Variants in CIMAP3 observed in about 807,000 individuals in gnomAD.
CIMAP3 encodes ciliary microtubule associated protein 3.
chr1:111,344,773 G>T, the CIMAP3 span, among the ~76,000 whole-genome samples: 1 of 152,056 alleles, frequency 6.6e-6, no homozygotes, highest in African/African-American at 2.4e-5. Flanking sequence ...AATTATTAAT[G>T]GAAGTAAAAA....
chr1:111,336,714 C>T, the CIMAP3 span, among the ~76,000 whole-genome samples: 5 of 152,156 alleles, frequency 3.3e-5, no homozygotes, highest in South Asian at 2.1e-4. Context: ...ACCGAATCTT[C>T]GTCTGATTGG....
chr1:111,352,546 T>C, the CIMAP3 span: 4 of 152,628 alleles, frequency 2.6e-5, no homozygotes, highest in Non-Finnish European at 4.4e-5. Flanking sequence ...AGAAATCACA[T>C]AGGATATATT....
the CIMAP3 span, chr1:111,352,358 G>A: frequency 6.6e-6 from 1 of 152,638 alleles, no homozygotes; most frequent in African/African-American, 2.4e-5. Flanking sequence ...TTGAGAAGCT[G>A]CCAGTGGCTG....
the CIMAP3 span, among the ~76,000 whole-genome samples, chr1:111,326,996 CT>C: frequency 1.3e-5 from 2 of 152,102 alleles, no homozygotes; most frequent in East Asian, 3.9e-4. Context: ...ATATTAGTCC[CT>C]GTCTATGAAT....
the CIMAP3 span, chr1:111,346,687 G>C: frequency 6.2e-7 from 1 of 1,611,892 alleles, no homozygotes; most frequent in Non-Finnish European, 8.5e-7. Context: ...GAGGGCTGCC[G>C]AGAAGCCTAG....
chr1:111,346,404 GCAGCCCCTA>G, the CIMAP3 span: 1 of 493,602 alleles, frequency 2.0e-6, no homozygotes. Flanking sequence ...CGTCAACCCT[GCAGCCCCTA>G]CAGCCGCGAA....
the CIMAP3 span, among the ~76,000 whole-genome samples, chr1:111,334,202 C>T: frequency 2.4e-4 from 36 of 151,934 alleles, 1 homozygote; most frequent in Non-Finnish European, 4.3e-4. Flanking sequence ...AAAGGCTGGA[C>T]GAAATAACTA....
the CIMAP3 span, among the ~76,000 whole-genome samples, chr1:111,334,472 A>G: frequency 6.6e-6 from 1 of 152,178 alleles, no homozygotes; most frequent in Non-Finnish European, 1.5e-5. Context: ...TAATACTTCA[A>G]TGCCAAGACA....
At chr1:111,335,349 C>G in the CIMAP3 span, among the ~76,000 whole-genome samples, 1 of 152,016 alleles carries the variant, frequency 6.6e-6, no homozygotes, top group Non-Finnish European at 1.5e-5. Flanking sequence ...ACAGAGGGCA[C>G]AGGTCAGTGG....
At chr1:111,335,279 G>T in the CIMAP3 span, among the ~76,000 whole-genome samples, 1 of 152,018 alleles carries the variant, frequency 6.6e-6, no homozygotes, top group African/African-American at 2.4e-5. Context: ...AGACACAGAA[G>T]ACGGGTGATT....
At chr1:111,347,158 G>A in the CIMAP3 span, 1 of 1,286,606 alleles carries the variant, frequency 7.8e-7, no homozygotes. Context: ...GAGATCTCCA[G>A]AGTCCCAGCA....
At chr1:111,328,910 T>C in the CIMAP3 span, among the ~76,000 whole-genome samples, 1 of 152,248 alleles carries the variant, frequency 6.6e-6, no homozygotes, top group African/African-American at 2.4e-5. Context: ...CTGGTTATTA[T>C]GTTGCCTTGT....
At chr1:111,332,200 G>A in the CIMAP3 span, among the ~76,000 whole-genome samples, 21,016 of 152,162 alleles carry the variant, frequency 0.14, 1,529 homozygotes, top group African/African-American at 0.16. Context: ...GCCTGCCTGG[G>A]CAGTCTGTGG....
At chr1:111,351,486 G>C in the CIMAP3 span, 5 of 564,984 alleles carry the variant, frequency 8.8e-6, no homozygotes, top group African/African-American at 9.8e-5. Context: ...AGAACATAAA[G>C]ACTAGTGCAC....
At chr1:111,333,715 C>T in the CIMAP3 span, among the ~76,000 whole-genome samples, 1 of 152,180 alleles carries the variant, frequency 6.6e-6, no homozygotes, top group Non-Finnish European at 1.5e-5. Context: ...CTTCCCATGA[C>T]CACAGATGCA....
chr1:111,339,470 C>G, the CIMAP3 span, among the ~76,000 whole-genome samples: 3 of 150,482 alleles, frequency 2.0e-5, no homozygotes, highest in South Asian at 6.4e-4. Context: ...TGTCTCAGCC[C>G]AAAATCTCCT....
the CIMAP3 span, among the ~76,000 whole-genome samples, chr1:111,325,236 A>G: frequency 6.6e-6 from 1 of 151,520 alleles, no homozygotes; most frequent in Non-Finnish European, 1.5e-5. Flanking sequence ...TAGCTCTGAA[A>G]TTCTTATGGC....
chr1:111,331,332 T>TA, the CIMAP3 span, among the ~76,000 whole-genome samples: 1 of 152,200 alleles, frequency 6.6e-6, no homozygotes, highest in Non-Finnish European at 1.5e-5. Context: ...GCAATGCCCA[T>TA]AGTATGGACT....
the CIMAP3 span, among the ~76,000 whole-genome samples, chr1:111,331,317 C>T: frequency 2.6e-5 from 4 of 152,174 alleles, no homozygotes; most frequent in African/African-American, 9.6e-5. Context: ...TTTCTCTTCA[C>T]TTCTGCAATG....
Sources: allele counts gnomAD v4.1 joint callset (sites outside exome capture counted in the v4.1 genomes callset), GRCh38; gene constraint gnomAD v4.1.1; transcripts MANE v1.5; gene names NCBI Gene and HGNC (gene_info 2026-07-23, HGNC 2026-07-21).